The following CWF19L2 variants were observed in gnomAD, a reference collection of about 807,000 sequenced individuals.
The protein encoded by CWF19L2 is CWF19 like cell cycle control factor 2, also known as CWF19-like protein 2.
Under a neutral mutation model 111.7 loss-of-function variants are expected in CWF19L2, and 98 were observed. That is an observed-to-expected ratio of 0.88 (90% CI 0.75 to 1.04). The LOEUF is 1.04. CWF19L2 is among the 50% of genes least tolerant of loss of function. CWF19L2 has a pLI of 0.00. For missense variants in CWF19L2, 1,101 were observed against 1,051.4 expected, an observed-to-expected ratio of 1.05 and a Z score of -0.65; for synonymous variants, 351 against 342.9, an observed-to-expected ratio of 1.02 and a Z score of -0.26.
intron 10 of CWF19L2, among the ~76,000 whole-genome samples, chr11:107,410,761 C>T (rs962178844): frequency 1.3e-5 from 2 of 152,122 alleles, no homozygotes; most frequent in African/African-American, 4.8e-5. Context: ...ATACCTGCTT[C>T]AAATGTTTTC....
chr11:107,432,787 C>T (rs1194648314), intron 7 of CWF19L2, among the ~76,000 whole-genome samples: 2 of 152,170 alleles, frequency 1.3e-5, no homozygotes, highest in Non-Finnish European at 2.9e-5. Context: ...CTTTAAATGT[C>T]TATATCCTTT....
intron 7 of CWF19L2, among the ~76,000 whole-genome samples, chr11:107,430,066 AT>A (rs1207099041): frequency 1.1e-4 from 16 of 152,096 alleles, no homozygotes; most frequent in African/African-American, 3.9e-4. Flanking sequence ...AGCAAAGATG[AT>A]GGGAATAGAG....
chr11:107,432,388 C>G (rs1278175075), intron 7 of CWF19L2, among the ~76,000 whole-genome samples: 7 of 152,074 alleles, frequency 4.6e-5, no homozygotes, highest in Non-Finnish European at 1.0e-4. Flanking sequence ...CCAGCCTGAC[C>G]AATATGGTGA....
intron 14 of CWF19L2, among the ~76,000 whole-genome samples, chr11:107,341,772 T>TA (rs1366263833): frequency 2.6e-5 from 4 of 152,160 alleles, no homozygotes; most frequent in African/African-American, 9.6e-5. Flanking sequence ...CCTTATTAGT[T>TA]AAAAGATTGT....
intron 13 of CWF19L2, among the ~76,000 whole-genome samples, chr11:107,349,936 G>A (rs1860134110): frequency 6.6e-6 from 1 of 151,982 alleles, no homozygotes; most frequent in Admixed American, 6.6e-5. Flanking sequence ...AATATTTAAA[G>A]AAATCACTGA....
At chr11:107,380,434 CTT>C (rs1860668317) in intron 12 of CWF19L2, among the ~76,000 whole-genome samples, 1 of 152,082 alleles carries the variant, frequency 6.6e-6, no homozygotes, top group African/African-American at 2.4e-5. Context: ...ACAATTTAAA[CTT>C]TGATTAAAAT....
At chr11:107,454,636 C>G in intron 2 of CWF19L2, 64 bp from the exon 3 acceptor site, 1 of 1,139,760 alleles carries the variant, frequency 8.8e-7, no homozygotes, top group South Asian at 3.3e-5. Context: ...AGGATGTATT[C>G]TGAGAGAAAA....
intron 7 of CWF19L2, among the ~76,000 whole-genome samples, chr11:107,431,810 T>C (rs561426545): frequency 1.7e-4 from 26 of 152,182 alleles, no homozygotes; most frequent in African/African-American, 5.5e-4. Flanking sequence ...CCCATGTATA[T>C]GAGAAAATTT....
At chr11:107,365,063 A>G (rs1334098897) in intron 12 of CWF19L2, among the ~76,000 whole-genome samples, 1 of 123,572 alleles carries the variant, frequency 8.1e-6, no homozygotes, top group Non-Finnish European at 1.7e-5. Flanking sequence ...CAAATAAACT[A>G]GAAAATCTAG....
intron 8 of CWF19L2, among the ~76,000 whole-genome samples, chr11:107,420,784 T>C (rs886181739): frequency 6.6e-6 from 1 of 152,138 alleles, no homozygotes; most frequent in South Asian, 2.1e-4. Context: ...ATAAAAGTTA[T>C]GTGACGGTGG....
chr11:107,361,299 T>C (rs1860330804), intron 12 of CWF19L2, among the ~76,000 whole-genome samples: 1 of 152,248 alleles, frequency 6.6e-6, no homozygotes, highest in African/African-American at 2.4e-5. Context: ...TCCTATTCTG[T>C]TCCATTGATC....
At chr11:107,392,982 A>AT in intron 10 of CWF19L2, 87 bp from the exon 11 acceptor site, 1 of 827,756 alleles carries the variant, frequency 1.2e-6, no homozygotes, top group Non-Finnish European at 1.9e-6. Context: ...CATTAAAATG[A>AT]TTAACGTTTC....
At chr11:107,450,082 G>T (rs1480935160) in intron 3 of CWF19L2, among the ~76,000 whole-genome samples, 1 of 151,300 alleles carries the variant, frequency 6.6e-6, no homozygotes, top group Non-Finnish European at 1.5e-5. Flanking sequence ...CTGGGTGACA[G>T]TGTGAGACTC....
intron 10 of CWF19L2, among the ~76,000 whole-genome samples, chr11:107,393,374 C>T (rs1320607081): frequency 6.6e-6 from 1 of 152,140 alleles, no homozygotes; most frequent in African/African-American, 2.4e-5. Flanking sequence ...TTTTCTGACT[C>T]TTCAGAAGGA....
intron 14 of CWF19L2, among the ~76,000 whole-genome samples, chr11:107,340,308 G>C (rs953896869): frequency 2.0e-5 from 3 of 152,074 alleles, no homozygotes; most frequent in Non-Finnish European, 2.9e-5. Context: ...CTTTACACTG[G>C]AGGGCTGTGT....
rs138424744 is a variant in CWF19L2, at chr11:107,361,022, G to A, written c.1873-7286C>T. 3.6e-3 allele frequency among the ~76,000 whole-genome samples: 544 copies of A among 152,072 alleles called. 4 individuals carry two copies. Among genetic ancestry groups the A allele is most frequent in the African/African-American group, 0.011 (457 of 41,472 alleles). On this transcript the variant is annotated intron_variant, in intron 12 of 17. Transcript: ENST00000282251. ...TTGAGGTCTTAGTAATGAATTCTTCGCCTAGATCAATGTCCAGAAGAGTTT... is the reference window on the plus strand; with the variant it reads ...TTGAGGTCTTAGTAATGAATTCTTCACCTAGATCAATGTCCAGAAGAGTTT...
At chr11:107,351,852 C>G (rs1050332068) in intron 13 of CWF19L2, among the ~76,000 whole-genome samples, 4 of 152,146 alleles carry the variant, frequency 2.6e-5, no homozygotes, top group Non-Finnish European at 4.4e-5. Flanking sequence ...AAGCCTAGCT[C>G]CCATGTGAAG....
At chr11:107,388,063 T>A (rs1860795909) in intron 12 of CWF19L2, among the ~76,000 whole-genome samples, 1 of 152,116 alleles carries the variant, frequency 6.6e-6, no homozygotes, top group Admixed American at 6.5e-5. Flanking sequence ...TAATCTTCCC[T>A]CAGATATTCA....
In CWF19L2 at chr11:107,418,056, G is replaced by T. The variant is rs532474489; in HGVS notation, c.1527+138C>A. 22 of 649,474 alleles carry T rather than the reference G, an allele frequency of 3.4e-5. 1 individual carries two copies. In the South Asian group the frequency reaches 3.7e-4, roughly 11 times the overall value. 40.2% of individuals were successfully genotyped at this position (649,474 alleles called of 1,614,324 possible). On this transcript the variant is annotated intron_variant, in intron 9 of 17. Transcript: ENST00000282251. ...ATTACAGGCATGGTGCCAGGCCTGA[G>T]AATTTCTTTAAGGAATCAATAACCA...
Sources: allele counts gnomAD v4.1 joint callset (sites outside exome capture counted in the v4.1 genomes callset), GRCh38; gene constraint gnomAD v4.1.1; transcripts MANE v1.5; gene names NCBI Gene and HGNC (gene_info 2026-07-23, HGNC 2026-07-21).